The following INTS1 variants were observed in gnomAD, a reference collection of about 807,000 sequenced individuals.
The protein encoded by INTS1 is integrator complex subunit 1.
In INTS1, 137 loss-of-function variants were observed where a neutral mutation model predicts 241.6. The observed-to-expected ratio is 0.57, with a 90% CI of 0.49 to 0.65. The LOEUF is 0.65. Among genes scored for constraint, INTS1 ranks in the 30% least tolerant of loss-of-function variants. INTS1 has a pLI of 0.00. For missense variants in INTS1, 3,073 were observed against 3,032.2 expected (o/e 1.01, Z -0.32); for synonymous variants, 1,692 against 1,337.8 (o/e 1.26, Z -5.78).
rs552894323 is a variant in INTS1, at chr7:1,497,611, G to A, written c.1426-297C>T. On this transcript the variant is annotated intron_variant, in intron 10 of 47. Transcript: ENST00000404767. This position sits in a 1 kb window ranked among gnomAD's most constrained non-coding sequence, Gnocchi z 5.3. ...CACCAGGCGGCAAAGCCATAGAAGC[G>A]CGTGTGCCATCTCAGCCCACCCGTG... 5.5e-4 allele frequency among the ~76,000 whole-genome samples: 84 copies of A among 152,314 alleles called. No individual in the cohort carries two copies. The highest frequency in any genetic ancestry group is 7.1e-4 in the Non-Finnish European group (48 of 68,032).
At chr7:1,495,846 A>C (rs1040381587) in intron 12 of INTS1, among the ~76,000 whole-genome samples, 1 of 152,028 alleles carries the variant, frequency 6.6e-6, no homozygotes, top group African/African-American at 2.4e-5. Context: ...GGACTGCCCC[A>C]AACACCACCT....
chr7:1,487,553 G>A, intron 19 of INTS1, 104 bp from the exon 20 acceptor site: 1 of 1,431,806 alleles, frequency 7.0e-7, no homozygotes, highest in Non-Finnish European at 9.4e-7. Context: ...GACAGCCCGA[G>A]ACGGGCAACC....
chr7:1,482,844 T>A (rs944966267), intron 26 of INTS1, 137 bp from the exon 27 acceptor site: 28 of 1,002,058 alleles, frequency 2.8e-5, no homozygotes, highest in Non-Finnish European at 3.7e-5. Flanking sequence ...GCTCCTGTGC[T>A]AGGTGAGCAC....
At position 1,487,902 on chromosome 7, in the gene INTS1, G is replaced by A. The variant is rs760996221; in HGVS notation, c.2374C>T (p.Leu792=). The A allele has an allele frequency of 1.2e-5, 20 of 1,613,536 alleles. No individual in the cohort carries two copies. In the East Asian group the frequency reaches 4.0e-4, roughly 32 times the overall value. ...TGGGCGGTCTGCAGCTCACGGTTCA[G>A]CATCTCCGTCCGGGTCTCCTCATCC... ...LTDEETRTEM[L]NRELQTAQRE... is the part of the protein sequence containing the mutation. Residue 792 remains leucine, a synonymous_variant, in exon 19 of 48, where the codon CTG becomes TTG. Transcript: ENST00000404767.
At position 1,476,324 on chromosome 7, in the gene INTS1, C is replaced by A. The variant is rs1442666847; in HGVS notation, c.5283G>T (p.Arg1761=). 1 of 1,587,034 alleles carries A rather than the reference C, an allele frequency of 6.3e-7. No homozygotes were observed. Among genetic ancestry groups the A allele is most frequent in the Non-Finnish European group, 8.6e-7 (1 of 1,168,738 alleles). The part of the protein sequence containing the change: ...DTAACSLIQA[R]LPLLLSCCCG... The stretch of plus-strand genomic sequence containing the variant: ...AGCAGCAGCTGAGCAGCAGGGGCAG[C>A]CGGGCCTGGATGAGGCTGCAGGCGG... The change falls in exon 38 of 48, where the codon CGG becomes CGT. Residue 1761 remains arginine (R), a synonymous_variant. Transcript: ENST00000404767.
chr7:1,491,846 C>A (rs1489124511), intron 16 of INTS1, among the ~76,000 whole-genome samples: 1 of 152,218 alleles, frequency 6.6e-6, no homozygotes, highest in South Asian at 2.1e-4. Context: ...TGCAGTGAAC[C>A]GTTGATTGTG....
At chr7:1,473,453 C>T (rs888372445) in intron 42 of INTS1, 113 bp downstream of exon 42, 78 of 1,331,392 alleles carry the variant, frequency 5.9e-5, no homozygotes, top group South Asian at 3.1e-4. Context: ...CAGCCCTCCC[C>T]GGCCTCAGGA....
intron 26 of INTS1, chr7:1,483,400 G>A (rs1036091740): frequency 8.0e-5 from 32 of 398,750 alleles, no homozygotes; most frequent in Non-Finnish European, 6.2e-5. Flanking sequence ...ACCTCCACAC[G>A]GTGAAATCCC....
At chr7:1,503,838 G>C (rs965834741) in intron 2 of INTS1, 65 bp downstream of exon 2, 1 of 1,225,912 alleles carries the variant, frequency 8.2e-7, no homozygotes, top group Admixed American at 2.2e-5. Flanking sequence ...CGGCAGCTGA[G>C]ATCCCCAAAG....
chr7:1,490,800 T>C (rs6463854), intron 16 of INTS1, among the ~76,000 whole-genome samples: 81,928 of 152,152 alleles, frequency 0.54, 23,864 homozygotes, highest in African/African-American at 0.77. Flanking sequence ...TTGGAAAACG[T>C]ACTTCCCAAT....
chr7:1,496,489 G>T (rs921830669), intron 11 of INTS1, among the ~76,000 whole-genome samples: 1 of 151,688 alleles, frequency 6.6e-6, no homozygotes, highest in Admixed American at 6.6e-5. Flanking sequence ...AGGGACACCC[G>T]GGAGCCCCAC....
At chr7:1,492,629 T>C (rs1303258303) in intron 16 of INTS1, among the ~76,000 whole-genome samples, 4 of 152,252 alleles carry the variant, frequency 2.6e-5, no homozygotes, top group Non-Finnish European at 4.4e-5. Flanking sequence ...AAACTCGTTG[T>C]GTAAAAAATA....
At position 1,478,697 on chromosome 7, in the gene INTS1, GCCGTCTGCCAGCCCGGCGCGGTCCTCA is replaced by G; in HGVS notation, c.4489+2_4489+28del. ...GTGAGCCCCTGTCCAGTGCCCCCCA[GCCGTCTGCCAGCCCGGCGCGGTCCTCA>G]CCATCACTGAGCCTGCGCCCGGCTG... is the stretch of plus-strand genomic sequence containing the variant. On this transcript the variant is annotated splice_donor_variant and splice_donor_5th_base_variant and intron_variant, in intron 32 of 47. Coordinates refer to ENST00000404767, the MANE Select transcript of INTS1 (RefSeq NM_001080453.3). LOFTEE classifies it high-confidence loss of function. The G allele has an allele frequency of 1.3e-6, 2 of 1,525,664 alleles. No individual in the cohort carries two copies. Among genetic ancestry groups the G allele is most frequent in the Non-Finnish European group, 1.8e-6 (2 of 1,133,628 alleles). The allele number at this position is 1,525,664 out of a possible 1,614,324, so 94.5% of individuals were successfully genotyped here. A position where few individuals can be genotyped will look rare whatever the true frequency, so the allele number is the denominator to read the frequency against.
chr7:1,489,973 C>T (rs974932847), intron 16 of INTS1, among the ~76,000 whole-genome samples: 1 of 152,132 alleles, frequency 6.6e-6, no homozygotes, highest in African/African-American at 2.4e-5. Flanking sequence ...GATTTTTGTA[C>T]TCTACATGAC....
intron 22 of INTS1, 123 bp from the exon 23 acceptor site, chr7:1,485,592 C>A: frequency 2.1e-6 from 2 of 971,200 alleles, no homozygotes; most frequent in Non-Finnish European, 3.0e-6. Context: ...TTGCTTCCCA[C>A]GGGAGAGGCC....
intron 33 of INTS1, 126 bp from the exon 34 acceptor site, chr7:1,478,062 G>A (rs926570708): frequency 2.1e-5 from 18 of 857,268 alleles, no homozygotes; most frequent in African/African-American, 1.2e-4. Flanking sequence ...GAGTCCAGCC[G>A]GAGCCAGAGA....
Position 1,478,350 on chromosome 7 carries a change from G to A in INTS1, c.4630+16C>T, listed in dbSNP as rs1781827897. 1 of 1,609,796 alleles carries A rather than the reference G, an allele frequency of 6.2e-7. No homozygotes were observed. Among genetic ancestry groups the A allele is most frequent in the Non-Finnish European group, 8.5e-7 (1 of 1,177,494 alleles). On this transcript the variant is annotated intron_variant, in intron 33 of 47. Coordinates refer to ENST00000404767, the MANE Select transcript of INTS1 (RefSeq NM_001080453.3). Reference sequence around the variant, plus strand: ...CAGGGCCGCCGTGGCCCAAGAGGATGGTGCCAGGAAGGTACCTTTGCTGAT... The same window carrying A: ...CAGGGCCGCCGTGGCCCAAGAGGATAGTGCCAGGAAGGTACCTTTGCTGAT...
chr7:1,486,756 G>C lies in INTS1; in HGVS notation c.2845C>G (p.Gln949Glu), dbSNP rs1386146698. The change falls in exon 22 of 48, where the codon CAG (glutamine) becomes GAG (glutamate). Residue 949 changes from glutamine (Q) to glutamate (E), a missense_variant. Physicochemically the swap from Gln to Glu is conservative, Grantham distance 29. Coordinates refer to ENST00000404767, the MANE Select transcript of INTS1 (RefSeq NM_001080453.3). ...AGGTCCTGCAGGCGGCCCAGCAGCT[G>C]CCGCTGCTTCTGTTGCCTCTGCAGG... The part of the protein sequence containing the change: ...KKRQRQQKQR[Q>E]LLGRLQDLLL... 1.2e-6 allele frequency: 2 copies of C among 1,612,328 alleles called. No homozygotes were observed. The highest frequency in any genetic ancestry group is 8.5e-7 in the Non-Finnish European group (1 of 1,179,722).
chr7:1,498,454 G>A lies in INTS1; in HGVS notation c.1383C>T (p.Val461=), dbSNP rs1221948746. The A allele has an allele frequency of 1.2e-6, 2 of 1,613,776 alleles. No individual in the cohort carries two copies. The highest frequency in any genetic ancestry group is 1.1e-5 in the South Asian group (1 of 91,080). ...SSARNPNNMQ[V]LYTALQHSSE... The stretch of plus-strand genomic sequence containing the variant: ...AGCTGTGCTGCAGTGCGGTATAGAG[G>A]ACCTGCATGTTGTTCGGGTTCCGGG... The change falls in exon 10 of 48, where the codon GTC becomes GTT. Residue 461 remains valine (V), a synonymous_variant. Transcript: ENST00000404767.
Sources: allele counts gnomAD v4.1 joint callset (sites outside exome capture counted in the v4.1 genomes callset), GRCh38; gene constraint gnomAD v4.1.1; non-coding constraint Gnocchi (gnomAD v3.1); transcripts MANE v1.5; gene names NCBI Gene and HGNC (gene_info 2026-07-23, HGNC 2026-07-21).